Variants in SNX7 observed in about 807,000 individuals in gnomAD.
The protein encoded by SNX7 is sorting nexin 7, also known as sorting nexin-7.
SNX7 carries 35 observed loss-of-function variants against 48.4 expected under a neutral mutation model. That is an observed-to-expected ratio of 0.72 (90% CI 0.55 to 0.96). SNX7 has a LOEUF of 0.96. Among genes scored for constraint, SNX7 ranks in the 40% least tolerant of loss-of-function variants. The pLI is 0.00. For synonymous variants in SNX7, 190 were observed against 190.2 expected, an observed-to-expected ratio of 1.00 and a Z score of 0.01; for missense variants, 553 against 548.9, an observed-to-expected ratio of 1.01 and a Z score of -0.07.
intron 2 of SNX7, among the ~76,000 whole-genome samples, chr1:98,689,384 C>T (rs956627245): frequency 3.9e-5 from 6 of 152,112 alleles, no homozygotes; most frequent in African/African-American, 1.4e-4. Flanking sequence ...ATAACATATT[C>T]TTCTCGTTGC....
intron 7 of SNX7, among the ~76,000 whole-genome samples, chr1:98,706,664 T>TA (rs996662173): frequency 2.0e-5 from 3 of 152,142 alleles, no homozygotes; most frequent in African/African-American, 7.2e-5. Context: ...GAGTAGCTCT[T>TA]AAAGTATTTC....
In SNX7 at chr1:98,760,221, G is replaced by A; in HGVS notation, c.*90G>A. On this transcript the variant is annotated 3_prime_UTR_variant, in exon 9 of 9. Transcript: ENST00000306121. ...GGATCTGCCGTGTCCTTATAAAGTG[G>A]ATGAAAAATGTTTTGTACCCATCTG... is the stretch of plus-strand genomic sequence containing the variant. 1 of 1,023,388 alleles carries A rather than the reference G, an allele frequency of 9.8e-7. No individual in the cohort carries two copies. The highest frequency in any genetic ancestry group is 1.5e-6 in the Non-Finnish European group (1 of 666,432). 63.4% of individuals were successfully genotyped at this position (1,023,388 alleles called of 1,614,324 possible).
At chr1:98,754,047 GT>G (rs1654718270) in intron 8 of SNX7, among the ~76,000 whole-genome samples, 2 of 151,932 alleles carry the variant, frequency 1.3e-5, no homozygotes, top group South Asian at 4.1e-4. Flanking sequence ...TGTTCCTCGG[GT>G]TGTGGAACTT....
chr1:98,690,336 G>A (rs778072243), intron 2 of SNX7, among the ~76,000 whole-genome samples: 2 of 152,068 alleles, frequency 1.3e-5, no homozygotes, highest in African/African-American at 2.4e-5. Context: ...TCAGGCAATA[G>A]AAATGAGGTT....
At chr1:98,677,981 G>A (rs1227884829) in intron 1 of SNX7, among the ~76,000 whole-genome samples, 3 of 134,852 alleles carry the variant, frequency 2.2e-5, no homozygotes, top group Non-Finnish European at 4.5e-5. Context: ...ATGAGTCTGT[G>A]TGTGTGTGCG....
chr1:98,667,343 T>G (rs1384282758), intron 1 of SNX7, among the ~76,000 whole-genome samples: 1 of 152,132 alleles, frequency 6.6e-6, no homozygotes, highest in East Asian at 1.9e-4. Context: ...AAAATACCAT[T>G]AAGATATAAG....
chr1:98,739,558 A>G (rs539676347), intron 8 of SNX7, among the ~76,000 whole-genome samples: 4 of 152,334 alleles, frequency 2.6e-5, no homozygotes, highest in South Asian at 4.1e-4. Context: ...GAAGGAAACA[A>G]TCACAAAGAG....
rs1651417306 is a variant in SNX7 at position 98,695,670 on chromosome 1, A to G, written c.792A>G (p.Ile264Met). Reference protein sequence around the residue: ...NNFIELFSQKINLIDKISQRI... With the variant: ...NNFIELFSQKMNLIDKISQRI... ...TTATTGAACTATTTAGCCAGAAAAT[A>G]AATTTGATAGATAAAATATCTCAGA... The change falls in exon 5 of 9, where the codon ATA (isoleucine) becomes ATG (methionine). Residue 264 changes from isoleucine to methionine, a missense_variant. Transcript: ENST00000306121. The G allele has an allele frequency of 6.2e-7, 1 of 1,601,556 alleles. No homozygotes were observed. Among genetic ancestry groups the G allele is most frequent in the Non-Finnish European group, 8.6e-7 (1 of 1,168,556 alleles).
chr1:98,738,642 C>G (rs1043310860), intron 8 of SNX7, among the ~76,000 whole-genome samples: 1 of 152,114 alleles, frequency 6.6e-6, no homozygotes, highest in African/African-American at 2.4e-5. Context: ...CTTTCCTCTC[C>G]CTTCTCCATT....
chr1:98,670,729 A>G (rs1013476318), intron 1 of SNX7, among the ~76,000 whole-genome samples: 3 of 152,238 alleles, frequency 2.0e-5, no homozygotes, highest in Admixed American at 1.3e-4. Context: ...CTAAGGATGC[A>G]TTTCTCAGAA....
At chr1:98,731,258 C>T (rs997113380) in intron 7 of SNX7, among the ~76,000 whole-genome samples, 3 of 151,124 alleles carry the variant, frequency 2.0e-5, no homozygotes, top group Admixed American at 2.0e-4. Context: ...TTTTATTTAG[C>T]TTCAAGTGCC....
chr1:98,661,869 G>A lies in SNX7; in HGVS notation c.138G>A (p.Leu46=). Residue 46 remains leucine (L), a synonymous_variant, in exon 1 of 9, where the codon CTG becomes CTA. Transcript: ENST00000306121. ...GSSALLQAEV[L]DLDEDEDDLE... is the part of the protein sequence containing the mutation. ...CCGCCCTGCTGCAGGCGGAGGTGCTGGATCTGGACGAGGACGAGGACGACC... is the reference window on the plus strand; with the variant it reads ...CCGCCCTGCTGCAGGCGGAGGTGCTAGATCTGGACGAGGACGAGGACGACC... 8.0e-7 allele frequency: 1 copy of A among 1,247,112 alleles called. No individual in the cohort carries two copies. Among genetic ancestry groups the A allele is most frequent in the Non-Finnish European group, 1.0e-6 (1 of 987,452 alleles). 77.3% of individuals were successfully genotyped at this position (1,247,112 alleles called of 1,614,324 possible). A position where few individuals can be genotyped will look rare whatever the true frequency, so the allele number is the denominator to read the frequency against.
intron 1 of SNX7, among the ~76,000 whole-genome samples, chr1:98,674,260 A>C (rs1401588216): frequency 6.6e-6 from 1 of 152,214 alleles, no homozygotes; most frequent in African/African-American, 2.4e-5. Flanking sequence ...CTGCTGTAAC[A>C]AAGTACCACA....
At chr1:98,673,378 C>T (rs182036106) in intron 1 of SNX7, among the ~76,000 whole-genome samples, 15 of 152,304 alleles carry the variant, frequency 9.8e-5, no homozygotes, top group Non-Finnish European at 1.5e-4. Context: ...AAGAAGCTTT[C>T]CCTGACAGCT....
chr1:98,701,733 A>G (rs1570539961), intron 6 of SNX7, 84 bp from the exon 7 acceptor site: 4 of 831,722 alleles, frequency 4.8e-6, no homozygotes, highest in East Asian at 5.6e-5. Flanking sequence ...GATGCTATTT[A>G]TATTCTGAAA....
chr1:98,662,524 T>G, intron 1 of SNX7: 1 of 463,846 alleles, frequency 2.2e-6, no homozygotes, highest in Non-Finnish European at 3.5e-6. Flanking sequence ...CCACAGCCAG[T>G]GCTTTCGTTT....
intron 7 of SNX7, among the ~76,000 whole-genome samples, chr1:98,703,695 A>C (rs1286857441): frequency 6.6e-6 from 1 of 151,978 alleles, no homozygotes; most frequent in African/African-American, 2.4e-5. Flanking sequence ...ACATATATAT[A>C]CATATATACA....
chr1:98,757,249 C>T (rs1451656174), intron 8 of SNX7, among the ~76,000 whole-genome samples: 1 of 152,060 alleles, frequency 6.6e-6, no homozygotes, highest in Non-Finnish European at 1.5e-5. Flanking sequence ...GCAAGAACAG[C>T]CCAATACAGA....
At chr1:98,689,837 G>GT (rs1651017000) in intron 2 of SNX7, among the ~76,000 whole-genome samples, 1 of 152,048 alleles carries the variant, frequency 6.6e-6, no homozygotes, top group Non-Finnish European at 1.5e-5. Context: ...TAGTTTTCCT[G>GT]TTTTTACCAT....
Sources: allele counts gnomAD v4.1 joint callset (sites outside exome capture counted in the v4.1 genomes callset), GRCh38; gene constraint gnomAD v4.1.1; transcripts MANE v1.5; gene names NCBI Gene and HGNC (gene_info 2026-07-23, HGNC 2026-07-21).